CSMD1: variants seen among roughly 807,000 people sequenced by gnomAD.
CSMD1 encodes CUB and sushi domain-containing protein 1.
A neutral mutation model predicts 417.5 loss-of-function variants in CSMD1; 213 were observed. The observed-to-expected ratio is 0.51, with a 90% CI of 0.46 to 0.57. The LOEUF is 0.57. CSMD1 is among the 20% of genes least tolerant of loss of function. The probability of loss-of-function intolerance (pLI) is 0.00; values close to 1 mark genes in which losing one functional copy is unlikely to be tolerated. For synonymous variants in CSMD1, 2,862 were observed against 1,736.8 expected, an observed-to-expected ratio of 1.65 and a Z score of -16.11; for missense variants, 6,923 against 4,529.7, an observed-to-expected ratio of 1.53 and a Z score of -15.17.
chr8:4,592,874 C>A (rs1800061884), intron 2 of CSMD1, among the ~76,000 whole-genome samples: 1 of 151,892 alleles, frequency 6.6e-6, no homozygotes, highest in African/African-American at 2.4e-5. Context: ...TTGATTTTTT[C>A]ATTTGCTCCC....
intron 2 of CSMD1, among the ~76,000 whole-genome samples, chr8:4,511,568 TG>T (rs747843652): frequency 5.1e-4 from 78 of 152,000 alleles, no homozygotes; most frequent in African/African-American, 1.7e-3. Context: ...TTCAGAGAGG[TG>T]GGGGTCATAG....
intron 23 of CSMD1, among the ~76,000 whole-genome samples, chr8:3,333,273 G>A (rs899879635): frequency 5.9e-5 from 9 of 152,218 alleles, no homozygotes; most frequent in Non-Finnish European, 1.3e-4. Context: ...ACCCACGGAT[G>A]CTGTGAGATA....
intron 26 of CSMD1, among the ~76,000 whole-genome samples, chr8:3,277,551 C>T (rs1802394828): frequency 6.6e-6 from 1 of 152,104 alleles, no homozygotes; most frequent in African/African-American, 2.4e-5. Flanking sequence ...CTAAAAATGG[C>T]TCCAAAAGTT....
intron 7 of CSMD1, among the ~76,000 whole-genome samples, chr8:3,641,180 G>A (rs745381974): frequency 4.6e-5 from 7 of 152,142 alleles, no homozygotes; most frequent in Non-Finnish European, 7.4e-5. Context: ...TGCAATGGGT[G>A]ATCACTTGAC....
At chr8:4,083,083 A>C (rs970925678) in intron 3 of CSMD1, among the ~76,000 whole-genome samples, 1 of 152,152 alleles carries the variant, frequency 6.6e-6, no homozygotes, top group South Asian at 2.1e-4. Flanking sequence ...ATACATGTGC[A>C]TGTTTCTTTA....
intron 12 of CSMD1, among the ~76,000 whole-genome samples, chr8:3,422,760 A>G (rs1813577148): frequency 6.6e-6 from 1 of 152,210 alleles, no homozygotes; most frequent in South Asian, 2.1e-4. Flanking sequence ...TAATGTATGA[A>G]GAGCAGAAAT....
In CSMD1 at chr8:3,850,667, C is replaced by G. The variant is rs1171307268; in HGVS notation, c.819-96625G>C. Among the ~76,000 whole-genome samples, 5 of 152,002 alleles carry G rather than the reference C, an allele frequency of 3.3e-5. No individual in the cohort carries two copies. In the East Asian group the frequency reaches 7.7e-4, roughly 23 times the overall value. On this transcript the variant is annotated intron_variant, in intron 5 of 69. Coordinates refer to ENST00000635120, the MANE Select transcript of CSMD1 (RefSeq NM_033225.6). Reference sequence around the variant, plus strand: ...CCAAGATCGCACCACTGCACTCCAGCCTGGGTGACAGAGTGCGACTCTGTC... The same window carrying G: ...CCAAGATCGCACCACTGCACTCCAGGCTGGGTGACAGAGTGCGACTCTGTC...
At chr8:2,945,342 C>T (rs1802149177) in intron 68 of CSMD1, among the ~76,000 whole-genome samples, 1 of 152,114 alleles carries the variant, frequency 6.6e-6, no homozygotes, top group Non-Finnish European at 1.5e-5. Flanking sequence ...CTTCCATTGG[C>T]ATATATGAAT....
chr8:3,876,077 T>C (rs1255984710), intron 5 of CSMD1, among the ~76,000 whole-genome samples: 3 of 152,218 alleles, frequency 2.0e-5, no homozygotes, highest in Non-Finnish European at 4.4e-5. Context: ...AATATACTTG[T>C]TGTCTTTTCT....
rs191698924 is a variant in CSMD1, at chr8:3,831,714, T to C, written c.819-77672A>G. On this transcript the variant is annotated intron_variant, in intron 5 of 69. Transcript: ENST00000635120. ...GTTTGGAATGCCAATGAATTTACTA[T>C]TGAAAAAGAATAGGTTTCCAAATAC... is the stretch of plus-strand genomic sequence containing the variant. Among the ~76,000 whole-genome samples the C allele has an allele frequency of 2.2e-4, 33 of 152,270 alleles. No homozygotes were observed. In the East Asian group the frequency reaches 5.8e-3, roughly 27 times the overall value.
intron 5 of CSMD1, among the ~76,000 whole-genome samples, chr8:3,876,004 C>A (rs553581514): frequency 1.3e-5 from 2 of 152,294 alleles, no homozygotes; most frequent in South Asian, 4.1e-4. Context: ...TTTCTTCCTA[C>A]AGTTCTATTT....
At chr8:4,222,155 C>T (rs953302147) in intron 3 of CSMD1, among the ~76,000 whole-genome samples, 1 of 151,842 alleles carries the variant, frequency 6.6e-6, no homozygotes, top group African/African-American at 2.4e-5. Context: ...AGAGCCTTAC[C>T]ACCATCTCAA....
intron 5 of CSMD1, among the ~76,000 whole-genome samples, chr8:3,968,377 C>T (rs1008949419): frequency 1.3e-5 from 2 of 152,150 alleles, no homozygotes; most frequent in African/African-American, 2.4e-5. Flanking sequence ...GGCACCAGCT[C>T]AGTGTGGTCA....
intron 5 of CSMD1, among the ~76,000 whole-genome samples, chr8:3,768,092 A>G (rs746727333): frequency 6.6e-5 from 10 of 152,208 alleles, no homozygotes; most frequent in African/African-American, 1.4e-4. Flanking sequence ...TTAGAGTCAT[A>G]TATTTAAAGA....
intron 7 of CSMD1, among the ~76,000 whole-genome samples, chr8:3,703,625 T>C (rs1158144650): frequency 2.6e-5 from 4 of 152,212 alleles, no homozygotes; most frequent in East Asian, 3.9e-4. Context: ...GTAGGTCTGG[T>C]AGAAAAATTT....
Position 3,025,669 on chromosome 8 carries a change from G to A in CSMD1, c.7855+3650C>T, listed in dbSNP as rs116857677. ...CACCAAAACAACAAACTTTGACAAA[G>A]TTAATGCAGAAGGTGCTGAGAATCC... On this transcript the variant is annotated intron_variant, in intron 51 of 69. Coordinates refer to ENST00000635120, the MANE Select transcript of CSMD1 (RefSeq NM_033225.6). 2.1e-3 allele frequency among the ~76,000 whole-genome samples: 318 copies of A among 152,268 alleles called. 2 individuals are homozygous for A. The highest frequency in any genetic ancestry group is 3.4e-3 in the Non-Finnish European group (233 of 68,024).
chr8:3,822,042 A>G (rs1198873053), intron 5 of CSMD1, among the ~76,000 whole-genome samples: 2 of 152,132 alleles, frequency 1.3e-5, no homozygotes, highest in Non-Finnish European at 2.9e-5. Context: ...ATGCGGTCTG[A>G]CATCTCTGCC....
In CSMD1 at chr8:4,994,492, A is replaced by C; in HGVS notation, c.-76T>G. ...GCAGGGCTATGAGCGGAGCCAAATAATCACCCGAGGGCAAGGCGAGCCGGA... is the reference window on the plus strand; with the variant it reads ...GCAGGGCTATGAGCGGAGCCAAATACTCACCCGAGGGCAAGGCGAGCCGGA... On this transcript the variant is annotated 5_prime_UTR_variant, in exon 1 of 70. Coordinates refer to ENST00000635120, the MANE Select transcript of CSMD1 (RefSeq NM_033225.6). 8 of 1,338,504 alleles carry C rather than the reference A, an allele frequency of 6.0e-6. No homozygotes were observed. The highest frequency in any genetic ancestry group is 1.4e-5 in the African/African-American group (1 of 69,678). The allele number at this position is 1,338,504 out of a possible 1,614,324, so 82.9% of individuals were successfully genotyped here.
At chr8:4,388,437 G>A (rs1444405112) in intron 3 of CSMD1, among the ~76,000 whole-genome samples, 1 of 151,820 alleles carries the variant, frequency 6.6e-6, no homozygotes, top group East Asian at 1.9e-4. Flanking sequence ...ATTTTTCTAA[G>A]TGAAGTAACT....
Sources: gnomAD v4.1 joint callset for allele counts (sites outside exome capture counted in the v4.1 genomes callset) on GRCh38, gnomAD v4.1.1 for gene constraint, MANE v1.5 for transcripts, NCBI Gene and HGNC (gene_info 2026-07-23, HGNC 2026-07-21) for gene names.